The following IMMP2L variants were observed in gnomAD, a reference collection of about 807,000 sequenced individuals.
The protein encoded by IMMP2L is inner mitochondrial membrane peptidase subunit 2.
IMMP2L carries 18 observed loss-of-function variants against 19.3 expected under a neutral mutation model. That is an observed-to-expected ratio of 0.93 (90% CI 0.64 to 1.38). The LOEUF is 1.38. IMMP2L is among the 40% of genes most tolerant of loss of function. The probability of loss-of-function intolerance (pLI) is 0.00; values close to 1 mark genes in which losing one functional copy is unlikely to be tolerated. For synonymous variants in IMMP2L, 76 were observed against 73.0 expected, an observed-to-expected ratio of 1.04 and a Z score of -0.21; for missense variants, 233 against 218.2, an observed-to-expected ratio of 1.07 and a Z score of -0.43.
intron 3 of IMMP2L, among the ~76,000 whole-genome samples, chr7:111,044,298 G>T (rs1354803841): frequency 6.6e-6 from 1 of 152,218 alleles, no homozygotes. Flanking sequence ...GGTGGCTCAT[G>T]CCTGTAATCC....
intron 3 of IMMP2L, among the ~76,000 whole-genome samples, chr7:111,156,660 C>T (rs746844925): frequency 2.6e-5 from 4 of 151,940 alleles, no homozygotes; most frequent in Admixed American, 6.6e-5. Flanking sequence ...AACTTTTATT[C>T]TTCCTTAGGT....
At chr7:111,036,319 C>T (rs1005323199) in intron 3 of IMMP2L, among the ~76,000 whole-genome samples, 6 of 152,132 alleles carry the variant, frequency 3.9e-5, no homozygotes, top group Non-Finnish European at 5.9e-5. Flanking sequence ...CTATCTAGGC[C>T]TCCCAGAAAG....
chr7:110,670,696 A>AC (rs967600436), intron 5 of IMMP2L, among the ~76,000 whole-genome samples: 19 of 151,458 alleles, frequency 1.3e-4, no homozygotes, highest in African/African-American at 3.4e-4. Flanking sequence ...TCTCAAAAAA[A>AC]AAAAAAAACA....
intron 3 of IMMP2L, among the ~76,000 whole-genome samples, chr7:111,145,575 C>A (rs572477876): frequency 6.6e-6 from 1 of 152,066 alleles, no homozygotes; most frequent in East Asian, 1.9e-4. Flanking sequence ...CAATGGACTG[C>A]CAAGTAAGTA....
chr7:110,695,678 T>C (rs766822883), intron 5 of IMMP2L, among the ~76,000 whole-genome samples: 3 of 152,132 alleles, frequency 2.0e-5, no homozygotes, highest in Non-Finnish European at 4.4e-5. Context: ...GATATGCTTC[T>C]AGAACAGCCC....
chr7:111,286,331 A>G (rs1363709143), intron 3 of IMMP2L, among the ~76,000 whole-genome samples: 1 of 152,130 alleles, frequency 6.6e-6, no homozygotes, highest in Non-Finnish European at 1.5e-5. Flanking sequence ...GACAAAGACT[A>G]TGTAATATAT....
At chr7:111,329,085 T>G (rs1251451853) in intron 3 of IMMP2L, among the ~76,000 whole-genome samples, 1 of 151,912 alleles carries the variant, frequency 6.6e-6, no homozygotes, top group Non-Finnish European at 1.5e-5. Context: ...AAAGCTTTCA[T>G]GTACAATCAT....
chr7:111,502,198 C>A (rs1204864823), intron 2 of IMMP2L, among the ~76,000 whole-genome samples: 1 of 151,792 alleles, frequency 6.6e-6, no homozygotes, highest in Non-Finnish European at 1.5e-5. Context: ...GACTTTAAAC[C>A]AACAAAGATC....
intron 4 of IMMP2L, among the ~76,000 whole-genome samples, chr7:110,917,013 A>C (rs928737648): frequency 5.3e-5 from 8 of 152,174 alleles, no homozygotes; most frequent in African/African-American, 1.9e-4. Context: ...TATAGGTGTA[A>C]CTTAATTAAG....
intron 5 of IMMP2L, among the ~76,000 whole-genome samples, chr7:110,832,271 GA>G (rs1460906868): frequency 8.0e-6 from 1 of 124,878 alleles, no homozygotes; most frequent in Non-Finnish European, 1.9e-5. Flanking sequence ...AACAAACAAA[GA>G]AAAAACAAAC....
At position 111,123,651 on chromosome 7, in the gene IMMP2L, T is replaced by C. The variant is rs1800925512; in HGVS notation, c.240-160086A>G. On this transcript the variant is annotated intron_variant, in intron 3 of 5. Transcript: ENST00000405709. This position sits in a 1 kb window ranked among gnomAD's most constrained non-coding sequence, Gnocchi z 6.4. Reference sequence around the variant, plus strand: ...ACTTAAAAGAGTTGGGGATAAATAATATGCCTGAGCTGATTTCCATCGATA... The same window carrying C: ...ACTTAAAAGAGTTGGGGATAAATAACATGCCTGAGCTGATTTCCATCGATA... 7 of 1,613,950 alleles carry C rather than the reference T, an allele frequency of 4.3e-6. No homozygotes were observed. The highest frequency in any genetic ancestry group is 5.9e-6 in the Non-Finnish European group (7 of 1,179,958).
In IMMP2L at chr7:111,396,855, A is replaced by C. The variant is rs529886636; in HGVS notation, c.239+90383T>G. Among the ~76,000 whole-genome samples, 281 of 151,034 alleles carry C rather than the reference A, an allele frequency of 1.9e-3. 1 individual carries two copies. Among genetic ancestry groups the C allele is most frequent in the African/African-American group, 6.6e-3 (271 of 41,198 alleles). ...ATCCCAGCACTTTGGGAGGCCGAGGAGGGCGGATCACAAGGTCAGGAGATT... is the reference window on the plus strand; with the variant it reads ...ATCCCAGCACTTTGGGAGGCCGAGGCGGGCGGATCACAAGGTCAGGAGATT... On this transcript the variant is annotated intron_variant, in intron 3 of 5. Transcript: ENST00000405709.
At chr7:110,813,557 A>G (rs1471591955) in intron 5 of IMMP2L, among the ~76,000 whole-genome samples, 2 of 151,748 alleles carry the variant, frequency 1.3e-5, no homozygotes, top group Admixed American at 6.6e-5. Context: ...ACTCCTGAGT[A>G]GCTGGGACTA....
intron 5 of IMMP2L, among the ~76,000 whole-genome samples, chr7:110,813,458 T>C (rs1329452443): frequency 6.6e-6 from 1 of 151,620 alleles, no homozygotes; most frequent in Non-Finnish European, 1.5e-5. Flanking sequence ...GACAGGGTCT[T>C]GCTCTGTCAG....
intron 5 of IMMP2L, among the ~76,000 whole-genome samples, chr7:110,820,349 A>G (rs981038737): frequency 2.0e-5 from 3 of 152,072 alleles, no homozygotes; most frequent in African/African-American, 4.8e-5. Flanking sequence ...TCTAATATGC[A>G]TCATAAACTT....
chr7:110,949,576 C>G (rs1334145134), intron 4 of IMMP2L, among the ~76,000 whole-genome samples: 1 of 152,050 alleles, frequency 6.6e-6, no homozygotes, highest in Non-Finnish European at 1.5e-5. Context: ...TGTACATAAA[C>G]TTTTATTGGG....
At chr7:110,800,935 G>C (rs1801196282) in intron 5 of IMMP2L, among the ~76,000 whole-genome samples, 1 of 152,056 alleles carries the variant, frequency 6.6e-6, no homozygotes, top group South Asian at 2.1e-4. Context: ...TCATAAATGG[G>C]GGCCACTGTT....
chr7:111,336,739 T>C (rs1826456510), intron 3 of IMMP2L, among the ~76,000 whole-genome samples: 1 of 152,064 alleles, frequency 6.6e-6, no homozygotes, highest in Non-Finnish European at 1.5e-5. Context: ...GCACACTTAT[T>C]TTATAGTATT....
At chr7:110,863,251 G>A (rs533878910) in intron 5 of IMMP2L, among the ~76,000 whole-genome samples, 1 of 152,180 alleles carries the variant, frequency 6.6e-6, no homozygotes, top group East Asian at 1.9e-4. Flanking sequence ...CACTTTACAT[G>A]TTGGTCATGG....
Sources: allele counts gnomAD v4.1 joint callset (sites outside exome capture counted in the v4.1 genomes callset), GRCh38; gene constraint gnomAD v4.1.1; non-coding constraint Gnocchi (gnomAD v3.1); transcripts MANE v1.5; gene names NCBI Gene and HGNC (gene_info 2026-07-23, HGNC 2026-07-21).